The following SUPT3H variants were observed in gnomAD, a reference collection of about 807,000 sequenced individuals.
The protein encoded by SUPT3H is transcription initiation protein SPT3 homolog.
SUPT3H carries 44 observed loss-of-function variants against 44.3 expected under a neutral mutation model. That is an observed-to-expected ratio of 0.99 (90% CI 0.78 to 1.28). SUPT3H has a LOEUF of 1.28. Among genes scored for constraint, SUPT3H ranks in the 50% most tolerant of loss-of-function variants. SUPT3H has a pLI of 0.00. For synonymous variants in SUPT3H, 124 were observed against 125.6 expected, an observed-to-expected ratio of 0.99 and a Z score of 0.09; for missense variants, 380 against 387.1, an observed-to-expected ratio of 0.98 and a Z score of 0.15.
intron 10 of SUPT3H, among the ~76,000 whole-genome samples, chr6:44,867,200 G>T (rs538011128): frequency 3.2e-4 from 48 of 149,052 alleles, no homozygotes; most frequent in African/African-American, 1.1e-3. Flanking sequence ...CACCCAGGTT[G>T]CAGTGCAGTG....
At position 44,916,757 on chromosome 6, in the gene SUPT3H, A is replaced by C. The variant is rs779566618; in HGVS notation, c.912+15896T>G. Among the ~76,000 whole-genome samples the C allele has an allele frequency of 3.3e-4, 50 of 152,178 alleles. 1 individual carries two copies. Among genetic ancestry groups the C allele is most frequent in the Non-Finnish European group, 5.6e-4 (38 of 68,034 alleles). On this transcript the variant is annotated intron_variant, in intron 10 of 10. Coordinates refer to ENST00000371459, the MANE Select transcript of SUPT3H (RefSeq NM_003599.4). Reference sequence around the variant, plus strand: ...TCTAATATGATAATAATGATTTTTAAATACTGCATTTCTTTAAGCATGTTC... The same window carrying C: ...TCTAATATGATAATAATGATTTTTACATACTGCATTTCTTTAAGCATGTTC...
At chr6:45,137,719 A>C (rs1397909484) in intron 2 of SUPT3H, among the ~76,000 whole-genome samples, 1 of 151,946 alleles carries the variant, frequency 6.6e-6, no homozygotes, top group Non-Finnish European at 1.5e-5. Context: ...GCAATAAAGT[A>C]GAAACCAAGA....
rs1319947459 is a variant in SUPT3H at position 45,136,779 on chromosome 6, A to G, written c.102-30773T>C. On this transcript the variant is annotated intron_variant, in intron 2 of 10. Transcript: ENST00000371459. Reference sequence around the variant, plus strand: ...AAAATGAGTAAAAAAGAAATGACATACCCTCACAGAACATAAGTGTTCTGG... The same window carrying G: ...AAAATGAGTAAAAAAGAAATGACATGCCCTCACAGAACATAAGTGTTCTGG... 2.0e-5 allele frequency among the ~76,000 whole-genome samples: 3 copies of G among 152,096 alleles called. No homozygotes were observed. The East Asian group carries it at 5.8e-4, about 29-fold the overall frequency.
rs1198528305 is a variant in SUPT3H, at chr6:44,926,589, T to TA, written c.912+6063dup. ...AATTCAAAGAAATACAAATTATTAG[T>TA]AAATATATAAAAATGTTCAATATCA... On this transcript the variant is annotated intron_variant, in intron 10 of 10. Transcript: ENST00000371459. Among the ~76,000 whole-genome samples the TA allele has an allele frequency of 9.2e-5, 14 of 152,246 alleles. No homozygotes were observed. In the East Asian group the frequency reaches 2.7e-3, roughly 29 times the overall value.
At chr6:44,963,523 C>A (rs1417898716) in intron 6 of SUPT3H, among the ~76,000 whole-genome samples, 3 of 152,104 alleles carry the variant, frequency 2.0e-5, no homozygotes, top group Admixed American at 1.3e-4. Flanking sequence ...CACACAACCA[C>A]GTCTCCTTAA....
At chr6:45,064,376 C>A (rs966594787) in intron 3 of SUPT3H, among the ~76,000 whole-genome samples, 246 of 145,768 alleles carry the variant, frequency 1.7e-3, no homozygotes, top group African/African-American at 5.7e-3. Flanking sequence ...TAAAGACCAT[C>A]GAGACTAGGA....
At chr6:45,265,449 C>T (rs964602232) in intron 2 of SUPT3H, among the ~76,000 whole-genome samples, 22 of 152,026 alleles carry the variant, frequency 1.4e-4, no homozygotes, top group Admixed American at 4.6e-4. Context: ...GAGTCTAGTC[C>T]GGCTAGGTCT....
intron 2 of SUPT3H, among the ~76,000 whole-genome samples, chr6:45,344,130 T>C (rs1387456800): frequency 6.6e-6 from 1 of 152,218 alleles, no homozygotes; most frequent in African/African-American, 2.4e-5. Context: ...TAAAAGTTGA[T>C]ATGAAGTGGA....
intron 5 of SUPT3H, 78 bp downstream of exon 5, chr6:45,014,723 T>G (rs546277353): frequency 3.1e-6 from 3 of 967,168 alleles, no homozygotes; most frequent in Non-Finnish European, 2.9e-6. Context: ...TCCAGTTACA[T>G]TGGAATTGCA....
chr6:44,850,452 T>G (rs1772678486), intron 10 of SUPT3H, among the ~76,000 whole-genome samples: 1 of 152,118 alleles, frequency 6.6e-6, no homozygotes, highest in South Asian at 2.1e-4. Flanking sequence ...ATGGCTTATT[T>G]AAAGCAATAA....
chr6:44,956,210 C>T (rs1421076156), intron 7 of SUPT3H, among the ~76,000 whole-genome samples: 1 of 151,186 alleles, frequency 6.6e-6, no homozygotes, highest in African/African-American at 2.4e-5. Flanking sequence ...CTAGGTCGGG[C>T]GCGGTGGCTC....
chr6:45,321,883 C>A, intron 2 of SUPT3H: 1 of 1,565,880 alleles, frequency 6.4e-7, no homozygotes, highest in Non-Finnish European at 8.7e-7. Context: ...ATCTGTTTTC[C>A]CTATGAAGCT....
In SUPT3H at chr6:44,933,768, G is replaced by C. The variant is rs1274084236; in HGVS notation, c.802-1005C>G. Among the ~76,000 whole-genome samples the C allele has an allele frequency of 3.3e-5, 5 of 152,166 alleles. No homozygotes were observed. In the East Asian group the frequency reaches 5.8e-4, roughly 18 times the overall value. On this transcript the variant is annotated intron_variant, in intron 9 of 10. Transcript: ENST00000371459. ...AAGCGATCCTCTGGCCTCAGCCTCT[G>C]AAGTAGCTGAGACTAAAGGCAAGTG...
intron 10 of SUPT3H, among the ~76,000 whole-genome samples, chr6:44,846,590 A>G (rs187462918): frequency 1.6e-3 from 247 of 151,998 alleles, no homozygotes; most frequent in African/African-American, 5.6e-3. Context: ...AGAACAGGGG[A>G]GGGCTGAGCT....
intron 6 of SUPT3H, among the ~76,000 whole-genome samples, chr6:44,997,013 C>T (rs910548972): frequency 6.6e-6 from 1 of 151,532 alleles, no homozygotes; most frequent in African/African-American, 2.4e-5. Flanking sequence ...ACACTAGTAC[C>T]ACACTATTTT....
At chr6:45,149,999 A>C (rs1254634430) in intron 2 of SUPT3H, among the ~76,000 whole-genome samples, 1 of 151,374 alleles carries the variant, frequency 6.6e-6, no homozygotes, top group Non-Finnish European at 1.5e-5. Context: ...ATATCAGGTA[A>C]ATTGAATCTG....
intron 1 of SUPT3H, chr6:45,372,039 T>C: frequency 1.0e-6 from 1 of 967,082 alleles, no homozygotes. Context: ...TAAAAGTTTA[T>C]CATAACTAAC....
intron 2 of SUPT3H, among the ~76,000 whole-genome samples, chr6:45,332,699 A>G (rs1296758985): frequency 6.6e-6 from 1 of 151,840 alleles, no homozygotes; most frequent in East Asian, 1.9e-4. Context: ...TATAGCATCT[A>G]TTAAAAATAT....
chr6:44,849,775 T>C (rs1006664252), intron 10 of SUPT3H, among the ~76,000 whole-genome samples: 11 of 152,276 alleles, frequency 7.2e-5, no homozygotes, highest in African/African-American at 2.6e-4. Flanking sequence ...ACACATTGAA[T>C]TAAAATCACT....
Sources: allele counts gnomAD v4.1 joint callset (sites outside exome capture counted in the v4.1 genomes callset), GRCh38; gene constraint gnomAD v4.1.1; transcripts MANE v1.5; gene names NCBI Gene and HGNC (gene_info 2026-07-23, HGNC 2026-07-21).